Variants in LRBA observed in about 807,000 individuals in gnomAD.
The protein encoded by LRBA is LPS responsive beige-like anchor protein, also known as lipopolysaccharide-responsive and beige-like anchor protein.
A neutral mutation model predicts 330.0 loss-of-function variants in LRBA; 176 were observed. The observed-to-expected ratio is 0.53, with a 90% CI of 0.47 to 0.60. The LOEUF is 0.60. LRBA is among the 20% of genes least tolerant of loss of function. The probability of loss-of-function intolerance (pLI) is 0.00; values close to 1 mark genes in which losing one functional copy is unlikely to be tolerated. For synonymous variants in LRBA, 1,230 were observed against 1,193.0 expected, an observed-to-expected ratio of 1.03 and a Z score of -0.64; for missense variants, 3,259 against 3,444.8, an observed-to-expected ratio of 0.95 and a Z score of 1.35.
At chr4:150,280,002 T>C (rs911087718) in intron 55 of LRBA, among the ~76,000 whole-genome samples, 13 of 152,224 alleles carry the variant, frequency 8.5e-5, no homozygotes, top group African/African-American at 3.1e-4. Context: ...TTCTTTGTTC[T>C]AGTAAAGAAT....
intron 36 of LRBA, among the ~76,000 whole-genome samples, chr4:150,725,729 T>A (rs1032976810): frequency 1.3e-5 from 2 of 152,102 alleles, no homozygotes; most frequent in Non-Finnish European, 2.9e-5. Flanking sequence ...ATAAACCAAG[T>A]AGAAAGACTA....
chr4:150,824,901 A>C (rs1365015765), intron 30 of LRBA, among the ~76,000 whole-genome samples: 1 of 152,110 alleles, frequency 6.6e-6, no homozygotes, highest in African/African-American at 2.4e-5. Flanking sequence ...CAGCCTCCTG[A>C]GTAGCTGAGA....
intron 27 of LRBA, 43 bp from the exon 28 acceptor site, chr4:150,844,250 T>C (rs767341875): frequency 3.1e-5 from 29 of 942,242 alleles, no homozygotes; most frequent in Non-Finnish European, 4.4e-5. Context: ...TATATTCATA[T>C]ATACATTACA....
chr4:150,950,363 T>C (rs949570589), intron 2 of LRBA, among the ~76,000 whole-genome samples: 1 of 152,152 alleles, frequency 6.6e-6, no homozygotes, highest in Non-Finnish European at 1.5e-5. Flanking sequence ...TTATAAGTGT[T>C]TAAAACTATA....
At chr4:150,802,997 G>A (rs1351269070) in intron 33 of LRBA, among the ~76,000 whole-genome samples, 1 of 146,738 alleles carries the variant, frequency 6.8e-6, no homozygotes, top group Non-Finnish European at 1.5e-5. Context: ...ACTCCAGCCT[G>A]GGTGGCACGG....
intron 17 of LRBA, among the ~76,000 whole-genome samples, chr4:150,873,231 A>C (rs889988087): frequency 6.6e-6 from 1 of 152,198 alleles, no homozygotes; most frequent in Non-Finnish European, 1.5e-5. Flanking sequence ...CAACCAAAGA[A>C]CTGCTAAAAA....
chr4:150,951,936 A>C (rs1736878954), intron 2 of LRBA, among the ~76,000 whole-genome samples: 1 of 152,244 alleles, frequency 6.6e-6, no homozygotes, highest in Admixed American at 6.5e-5. Flanking sequence ...ATATGTTAAA[A>C]GTATTCAAAA....
At chr4:150,896,558 T>A in intron 15 of LRBA, 102 bp from the exon 16 acceptor site, 1 of 611,742 alleles carries the variant, frequency 1.6e-6, no homozygotes, top group Non-Finnish European at 2.9e-6. Flanking sequence ...ACTATAAATA[T>A]AAAAATATAA....
At chr4:150,841,997 A>G (rs556497549) in intron 28 of LRBA, among the ~76,000 whole-genome samples, 1 of 152,282 alleles carries the variant, frequency 6.6e-6, no homozygotes, top group Non-Finnish European at 1.5e-5. Flanking sequence ...TGTTCCCTAA[A>G]GAGACTAAAC....
At chr4:150,579,835 G>C in intron 40 of LRBA, 1 of 404,730 alleles carries the variant, frequency 2.5e-6, no homozygotes, top group Non-Finnish European at 5.0e-6. Flanking sequence ...CGGGAGCGTC[G>C]CGGGCCGGGC....
At chr4:150,645,601 A>G (rs115616644) in intron 37 of LRBA, among the ~76,000 whole-genome samples, 31 of 152,068 alleles carry the variant, frequency 2.0e-4, no homozygotes, top group African/African-American at 7.0e-4. Context: ...TTCTACTCAA[A>G]TATCAATTGC....
rs1359103893 is a variant in LRBA, at chr4:150,265,736, G to A, written c.8545C>T (p.Gln2849Ter). 2.5e-6 allele frequency: 4 copies of A among 1,611,762 alleles called. No individual in the cohort carries two copies. Among genetic ancestry groups the A allele is most frequent in the Non-Finnish European group, 3.4e-6 (4 of 1,178,016 alleles). The change falls in exon 57 of 57, where the codon CAA becomes TAA. Residue 2849 changes from glutamine (Q) to a stop codon, truncating the protein, a stop_gained. Transcript: ENST00000651943. LOFTEE classifies it high-confidence loss of function. ...NDFNRWHHEYQTRY is the reference protein window; with the variant it reads ...NDFNRWHHEY ...AGCTGTCACCATCAGTAGCGGGTTT[G>A]GTATTCATGATGCCACCGGTTAAAG...
intron 36 of LRBA, among the ~76,000 whole-genome samples, chr4:150,723,098 C>T (rs1022371505): frequency 5.9e-5 from 9 of 152,098 alleles, no homozygotes; most frequent in Non-Finnish European, 1.3e-4. Flanking sequence ...ACACTGGGTT[C>T]CTAGATAAAC....
At chr4:150,720,481 A>G (rs571407266) in intron 36 of LRBA, among the ~76,000 whole-genome samples, 82 of 152,202 alleles carry the variant, frequency 5.4e-4, no homozygotes, top group African/African-American at 1.7e-3. Context: ...GACATAATAA[A>G]TAAATTACAA....
chr4:150,540,325 T>A (rs1765177664), intron 40 of LRBA, among the ~76,000 whole-genome samples: 1 of 152,122 alleles, frequency 6.6e-6, no homozygotes, highest in Non-Finnish European at 1.5e-5. Context: ...GCGATTCAAG[T>A]AGCTGGCTAC....
intron 47 of LRBA, among the ~76,000 whole-genome samples, chr4:150,377,553 G>C (rs969213954): frequency 6.6e-6 from 1 of 152,090 alleles, no homozygotes; most frequent in Non-Finnish European, 1.5e-5. Flanking sequence ...AAGTGGGGGA[G>C]GAGAAACTCA....
At chr4:150,382,946 AGTG>A (rs1176629492) in intron 47 of LRBA, among the ~76,000 whole-genome samples, 2 of 152,220 alleles carry the variant, frequency 1.3e-5, no homozygotes, top group African/African-American at 4.8e-5. Context: ...GGGCTGCTAA[AGTG>A]GTGGTAAACA....
rs528339665 is a variant in LRBA, at chr4:150,678,895, G to GT, written c.5921+4655dup. Among the ~76,000 whole-genome samples, 142 of 152,070 alleles carry GT rather than the reference G, an allele frequency of 9.3e-4. 3 individuals carry two copies. The South Asian group carries it at 0.028, about 30-fold the overall frequency. On this transcript the variant is annotated intron_variant, in intron 37 of 56. Coordinates refer to ENST00000651943, the MANE Select transcript of LRBA (RefSeq NM_001364905.1). ...CCATTTGCTTGATTATCCACATAGC[G>GT]TAACGGAATCAAATGCCTAAGATGA... is the stretch of plus-strand genomic sequence containing the variant.
At chr4:150,903,357 G>C (rs1392526301) in intron 13 of LRBA, among the ~76,000 whole-genome samples, 1 of 151,888 alleles carries the variant, frequency 6.6e-6, no homozygotes, top group African/African-American at 2.4e-5. Flanking sequence ...GAACATGTTG[G>C]AATTCTGGCA....
Sources: gnomAD v4.1 joint callset for allele counts (sites outside exome capture counted in the v4.1 genomes callset) on GRCh38, gnomAD v4.1.1 for gene constraint, MANE v1.5 for transcripts, NCBI Gene and HGNC (gene_info 2026-07-23, HGNC 2026-07-21) for gene names.